Variants in CPNE5 observed in about 807,000 individuals in gnomAD.
CPNE5 encodes copine-5.
CPNE5 carries 42 observed loss-of-function variants against 81.1 expected under a neutral mutation model. The observed-to-expected ratio is 0.52, with a 90% CI of 0.40 to 0.67. The LOEUF is 0.67. Ranked by LOEUF, CPNE5 falls within the 30% of genes least tolerant of loss-of-function variation. The pLI, the probability that CPNE5 is intolerant of heterozygous loss-of-function variation, is 0.00. For missense variants in CPNE5, 612 were observed against 815.5 expected (o/e 0.75, Z 3.04); for synonymous variants, 313 against 321.5 (o/e 0.97, Z 0.28).
intron 3 of CPNE5, 85 bp downstream of exon 3, chr6:36,822,029 G>T: frequency 7.8e-7 from 1 of 1,284,454 alleles, no homozygotes; most frequent in Non-Finnish European, 1.1e-6. Context: ...TTAGAAACAT[G>T]TCAGGGAAAT....
intron 1 of CPNE5, among the ~76,000 whole-genome samples, chr6:36,833,274 T>C (rs2150622176): frequency 6.6e-6 from 1 of 152,294 alleles, no homozygotes; most frequent in Non-Finnish European, 1.5e-5. Flanking sequence ...AAAGAGAAAA[T>C]ACTACTATCT....
intron 1 of CPNE5, among the ~76,000 whole-genome samples, chr6:36,834,254 CAAAAAAAAA>C (rs1157250827): frequency 4.2e-4 from 9 of 21,682 alleles, no homozygotes; most frequent in African/African-American, 1.8e-3. Flanking sequence ...GACTGTATCT[CAAAAAAAAA>C]AAAAAAAAAA....
chr6:36,742,227 G>A lies in CPNE5; in HGVS notation c.*41C>T. On this transcript the variant is annotated 3_prime_UTR_variant, in exon 21 of 21. Transcript: ENST00000244751. ...GGGGCCCTGGCCTCCCATTCACCTGGCCTCTCCCAGGCCCCAGCCACCTGC... is the reference window on the plus strand; with the variant it reads ...GGGGCCCTGGCCTCCCATTCACCTGACCTCTCCCAGGCCCCAGCCACCTGC... 6.9e-7 allele frequency: 1 copy of A among 1,457,398 alleles called. No homozygotes were observed. The highest frequency in any genetic ancestry group is 1.3e-5 in the South Asian group (1 of 79,236). 90.3% of individuals were successfully genotyped at this position (1,457,398 alleles called of 1,614,324 possible).
intron 6 of CPNE5, among the ~76,000 whole-genome samples, chr6:36,795,106 A>G (rs1769447114): frequency 6.6e-6 from 1 of 152,226 alleles, no homozygotes. Flanking sequence ...CCCAAAATTC[A>G]TGTATTGAAA....
chr6:36,795,752 A>G (rs1769509311), intron 6 of CPNE5, among the ~76,000 whole-genome samples: 2 of 152,234 alleles, frequency 1.3e-5, no homozygotes, highest in South Asian at 4.1e-4. Flanking sequence ...ATTTGCCACA[A>G]TGGTCCCAGC....
Position 36,743,699 on chromosome 6 carries a change from TC to T in CPNE5, c.1552del (p.Asp518ThrfsTer20). The T allele has an allele frequency of 6.2e-7, 1 of 1,613,548 alleles. No individual in the cohort carries two copies. Among genetic ancestry groups the T allele is most frequent in the Non-Finnish European group, 8.5e-7 (1 of 1,179,966 alleles). On this transcript the variant is annotated frameshift_variant, in exon 20 of 21. Transcript: ENST00000244751. LOFTEE classifies it high-confidence loss of function. Reference sequence around the variant, plus strand: ...AGGCCTGGGCTTCACCTGGACGATGTCGCGTTCAGCCAGCTTCCCCCGGGAG... The same window carrying T: ...AGGCCTGGGCTTCACCTGGACGATGTGCGTTCAGCCAGCTTCCCCCGGGAG... ...ISSRGKLAER[D>X]IVQFVPFRDY...
rs1771789739 is a variant in CPNE5 at position 36,818,800 on chromosome 6, A to G, written c.183+3314T>C. Among the ~76,000 whole-genome samples, 4 of 152,228 alleles carry G rather than the reference A, an allele frequency of 2.6e-5. No individual in the cohort carries two copies. The South Asian group carries it at 8.3e-4, about 32-fold the overall frequency. On this transcript the variant is annotated intron_variant, in intron 3 of 20. Coordinates refer to ENST00000244751, the MANE Select transcript of CPNE5 (RefSeq NM_020939.2). ...GTAGTAACAAGATGTGACTTGGACA[A>G]TCAGAAACCCTCAACCAAATGAAGA...
chr6:36,742,870 C>A, intron 20 of CPNE5: 1 of 984,720 alleles, frequency 1.0e-6, no homozygotes, highest in Non-Finnish European at 1.2e-6. Context: ...CAGCAGAGCC[C>A]TCTCTCTCTG....
chr6:36,785,492 CAT>C (rs1356338660), intron 8 of CPNE5, among the ~76,000 whole-genome samples: 1 of 152,136 alleles, frequency 6.6e-6, no homozygotes, highest in African/African-American at 2.4e-5. Flanking sequence ...CCCAGGGTCA[CAT>C]AGGGAGTAAG....
intron 1 of CPNE5, among the ~76,000 whole-genome samples, chr6:36,834,074 C>T (rs767163979): frequency 1.1e-4 from 16 of 145,628 alleles, no homozygotes; most frequent in Non-Finnish European, 1.8e-4. Flanking sequence ...ACAAAACAAA[C>T]GAACAAAAAA....
At chr6:36,758,529 G>A (rs370801782) in intron 12 of CPNE5, among the ~76,000 whole-genome samples, 4 of 152,164 alleles carry the variant, frequency 2.6e-5, no homozygotes, top group East Asian at 3.9e-4. Context: ...GATTACAGGC[G>A]TGAGCCACTG....
intron 7 of CPNE5, among the ~76,000 whole-genome samples, chr6:36,792,795 C>T (rs1769220741): frequency 6.6e-6 from 1 of 152,206 alleles, no homozygotes; most frequent in South Asian, 2.1e-4. Context: ...TGAACCACCT[C>T]TTCCCCTGGT....
intron 13 of CPNE5, chr6:36,756,041 G>T: frequency 1.8e-6 from 1 of 571,100 alleles, no homozygotes; most frequent in Non-Finnish European, 3.1e-6. Flanking sequence ...TACAGCCAGC[G>T]CCTGTTGTGT....
intron 10 of CPNE5, among the ~76,000 whole-genome samples, chr6:36,769,716 G>A (rs948751981): frequency 3.3e-5 from 5 of 152,194 alleles, no homozygotes; most frequent in East Asian, 1.9e-4. Flanking sequence ...CAGTGCCGCG[G>A]TGACCGTGCC....
chr6:36,768,976 C>T (rs1371521369), intron 10 of CPNE5, among the ~76,000 whole-genome samples: 1 of 152,218 alleles, frequency 6.6e-6, no homozygotes, highest in Non-Finnish European at 1.5e-5. Flanking sequence ...TAAACTATCT[C>T]CACGTACAGT....
rs188051299 is a variant in CPNE5, at chr6:36,784,172, G to T, written c.529-5215C>A. Among the ~76,000 whole-genome samples, 93 of 152,326 alleles carry T rather than the reference G, an allele frequency of 6.1e-4. 1 individual carries two copies. Among genetic ancestry groups the T allele is most frequent in the Admixed American group, 6.1e-3 (93 of 15,306 alleles). On this transcript the variant is annotated intron_variant, in intron 8 of 20. Transcript: ENST00000244751. Reference sequence around the variant, plus strand: ...GGCAGATAAGTGAGGCATTGCTGGGGGGTTGGCAGCTGATTTTGTTCCTTA... The same window carrying T: ...GGCAGATAAGTGAGGCATTGCTGGGTGGTTGGCAGCTGATTTTGTTCCTTA...
chr6:36,831,479 G>A (rs540431570), intron 1 of CPNE5, among the ~76,000 whole-genome samples: 4 of 151,730 alleles, frequency 2.6e-5, no homozygotes, highest in South Asian at 2.1e-4. Flanking sequence ...TCAGCTTCTC[G>A]AGTAGCTGGG....
In CPNE5 at chr6:36,798,454, C is replaced by T. The variant is rs1329092338; in HGVS notation, c.327+1G>A. ...GCTGAGCAGTTACTGGCAGAACTCACGTGTTTGGATAAATCAGGACTCTTA... is the reference window on the plus strand; with the variant it reads ...GCTGAGCAGTTACTGGCAGAACTCATGTGTTTGGATAAATCAGGACTCTTA... On this transcript the variant is annotated splice_donor_variant, in intron 5 of 20. Coordinates refer to ENST00000244751, the MANE Select transcript of CPNE5 (RefSeq NM_020939.2). LOFTEE classifies it high-confidence loss of function. The T allele has an allele frequency of 5.6e-6, 9 of 1,613,884 alleles. No individual in the cohort carries two copies. The highest frequency in any genetic ancestry group is 1.7e-5 in the Admixed American group (1 of 60,020).
At chr6:36,785,738 C>T (rs766598458) in intron 8 of CPNE5, among the ~76,000 whole-genome samples, 2 of 152,000 alleles carry the variant, frequency 1.3e-5, no homozygotes, top group Admixed American at 6.6e-5. Flanking sequence ...TTAGGCCTGA[C>T]GCTGTGGCTC....
Sources: allele counts gnomAD v4.1 joint callset (sites outside exome capture counted in the v4.1 genomes callset), GRCh38; gene constraint gnomAD v4.1.1; transcripts MANE v1.5; gene names NCBI Gene and HGNC (gene_info 2026-07-23, HGNC 2026-07-21).